The following HSPA12B variants were observed in gnomAD, a reference collection of about 807,000 sequenced individuals.
The protein encoded by HSPA12B is heat shock 70 kDa protein 12B.
Under a neutral mutation model 69.3 loss-of-function variants are expected in HSPA12B, and 54 were observed. That is an observed-to-expected ratio of 0.78 (90% CI 0.63 to 0.98). The LOEUF is 0.98. Ranked by LOEUF, HSPA12B falls within the 50% of genes least tolerant of loss-of-function variation. The pLI, the probability that HSPA12B is intolerant of heterozygous loss-of-function variation, is 0.00. For missense variants in HSPA12B, 929 were observed against 999.8 expected (o/e 0.93, Z 0.96); for synonymous variants, 441 against 436.5 (o/e 1.01, Z -0.13).
At chr20:3,742,658 A>G (rs955967532) in intron 4 of HSPA12B, among the ~76,000 whole-genome samples, 2 of 151,954 alleles carry the variant, frequency 1.3e-5, no homozygotes, top group African/African-American at 4.8e-5. Context: ...TTTTTGAGAT[A>G]TAACAAACAT....
chr20:3,752,163 C>T lies in HSPA12B; in HGVS notation c.2058C>T (p.Asn686=). 6.9e-7 allele frequency: 1 copy of T among 1,454,008 alleles called. No individual in the cohort carries two copies. The highest frequency in any genetic ancestry group is 9.0e-7 in the Non-Finnish European group (1 of 1,110,676). 90.1% of individuals were successfully genotyped at this position (1,454,008 alleles called of 1,614,324 possible). ...SVRASIDFLS[N] ...GCGCGTCCATCGACTTTCTTTCCAA[C>T]TGAGGGCGCGCCGGCGCGGTGCCAG... Residue 686 remains asparagine, a synonymous_variant, in exon 13 of 13, where the codon AAC becomes AAT. Coordinates refer to ENST00000254963, the MANE Select transcript of HSPA12B (RefSeq NM_052970.5).
rs1195506431 is a variant in HSPA12B at position 3,745,567 on chromosome 20, C to T, written c.528C>T (p.Ala176=). The change falls in exon 6 of 13, where the codon GCC becomes GCT. Residue 176 remains alanine, a synonymous_variant. Coordinates refer to ENST00000254963, the MANE Select transcript of HSPA12B (RefSeq NM_052970.5). The surrounding 1 kb of genome is among the most constrained non-coding windows in gnomAD (Gnocchi z 5.6). ...CCGCCCTGGAGGTGTTCGCCCATGC[C>T]CTGCGCTTCTTCAGGGAGCACGCCC... ...TMPALEVFAH[A]LRFFREHALQ... 4 of 1,614,042 alleles carry T rather than the reference C, an allele frequency of 2.5e-6. No individual in the cohort carries two copies. The South Asian group carries it at 4.4e-5, about 18-fold the overall frequency.
chr20:3,747,594 C>T (rs1285422030), intron 7 of HSPA12B, among the ~76,000 whole-genome samples: 1 of 152,224 alleles, frequency 6.6e-6, no homozygotes, highest in Admixed American at 6.5e-5. Context: ...GGATCCCCTA[C>T]CCTGAAGGAA....
rs1279697578 is a variant in HSPA12B at position 3,752,817 on chromosome 20, A to G, written c.*651A>G. On this transcript the variant is annotated 3_prime_UTR_variant, in exon 13 of 13. Coordinates refer to ENST00000254963, the MANE Select transcript of HSPA12B (RefSeq NM_052970.5). ...AATTATGAGGGTAGCATTTCTTTCG[A>G]GACAAAACACCCGTCTGGGAAGGCC... 2 of 153,720 alleles carry G rather than the reference A, an allele frequency of 1.3e-5. No homozygotes were observed. The highest frequency in any genetic ancestry group is 1.9e-4 in the East Asian group (1 of 5,184). 9.5% of individuals were successfully genotyped at this position (153,720 alleles called of 1,614,324 possible).
In HSPA12B at chr20:3,740,697, G is replaced by C. The variant is rs1275249665; in HGVS notation, c.44-118G>C. Reference sequence around the variant, plus strand: ...CCCCGCAGTCCTCCTCCCCAGCAGAGAGCCCTTTGCCTTAGCCCAGCAAGG... The same window carrying C: ...CCCCGCAGTCCTCCTCCCCAGCAGACAGCCCTTTGCCTTAGCCCAGCAAGG... On this transcript the variant is annotated intron_variant, in intron 2 of 12. Transcript: ENST00000254963. This position sits in a 1 kb window ranked among gnomAD's most constrained non-coding sequence, Gnocchi z 4.9. The C allele has an allele frequency of 1.6e-5, 12 of 763,568 alleles. No individual in the cohort carries two copies. Among genetic ancestry groups the C allele is most frequent in the Non-Finnish European group, 2.5e-5 (11 of 442,928 alleles). 47.3% of individuals were successfully genotyped at this position (763,568 alleles called of 1,614,324 possible).
chr20:3,742,800 C>A (rs920773598), intron 4 of HSPA12B, among the ~76,000 whole-genome samples: 12 of 151,508 alleles, frequency 7.9e-5, no homozygotes, highest in Non-Finnish European at 1.3e-4. Context: ...CGGGTTCAAG[C>A]GATTCTCCTG....
chr20:3,734,707 G>A (rs2088081676), intron 1 of HSPA12B, among the ~76,000 whole-genome samples: 2 of 150,858 alleles, frequency 1.3e-5, no homozygotes, highest in African/African-American at 4.9e-5. Context: ...ACCTCTCGGG[G>A]AATCCGTGGG....
rs1011315079 is a variant in HSPA12B, at chr20:3,744,904, A to C, written c.269A>C (p.Lys90Thr). The C allele has an allele frequency of 6.2e-7, 1 of 1,612,288 alleles. No homozygotes were observed. Among genetic ancestry groups the C allele is most frequent in the Non-Finnish European group, 8.5e-7 (1 of 1,179,876 alleles). Residue 90 changes from lysine to threonine, a missense_variant and splice_region_variant, in exon 5 of 13, where the codon AAA (lysine) becomes ACA (threonine). By Grantham distance (78) the Lys-to-Thr change is moderately conservative (BLOSUM62 -1). Around this residue, in one of 3 missense-constraint regions of HSPA12B, gnomAD observed 477 missense variants for 535.2 expected, o/e 0.89. Transcript: ENST00000254963. This position sits in a 1 kb window ranked among gnomAD's most constrained non-coding sequence, Gnocchi z 4.9. ...CTGACTGCCCTGTGCCTCCGCAGGA[A>C]ATGGGAGGGCGGAGACCCGGGCGTG... ...SDPEAIHMMR[K>T]WEGGDPGVAH...
rs745657847 is a variant in HSPA12B at position 3,750,133 on chromosome 20, G to A, written c.1207G>A (p.Ala403Thr). ...CAAGCGCACTGCTGGCCCACACCGTGCAGGGGCGCTCAACATCTCGCTGCC... is the reference window on the plus strand; with the variant it reads ...CAAGCGCACTGCTGGCCCACACCGTACAGGGGCGCTCAACATCTCGCTGCC... ...ARKRTAGPHR[A>T]GALNISLPFS... The change falls in exon 11 of 13, where the codon GCA (alanine) becomes ACA (threonine). Residue 403 changes from alanine to threonine, a missense_variant. Physicochemically the swap from Ala to Thr is moderately conservative, Grantham distance 58. Coordinates refer to ENST00000254963, the MANE Select transcript of HSPA12B (RefSeq NM_052970.5). 2 of 1,611,924 alleles carry A rather than the reference G, an allele frequency of 1.2e-6. No individual in the cohort carries two copies. Among genetic ancestry groups the A allele is most frequent in the Admixed American group, 1.7e-5 (1 of 59,902 alleles).
At chr20:3,738,890 A>AC (rs1358456719) in intron 2 of HSPA12B, among the ~76,000 whole-genome samples, 173 bp downstream of exon 2, 3 of 151,360 alleles carry the variant, frequency 2.0e-5, no homozygotes, top group Admixed American at 6.6e-5. Context: ...TGTTTACTGG[A>AC]CCCCCCTGTG....
At chr20:3,735,776 T>C (rs1458580675) in intron 1 of HSPA12B, among the ~76,000 whole-genome samples, 4 of 152,076 alleles carry the variant, frequency 2.6e-5, no homozygotes, top group Non-Finnish European at 5.9e-5. Context: ...CAGAGTCTTT[T>C]TTTTCTGGTG....
At position 3,744,320 on chromosome 20, in the gene HSPA12B, T is replaced by A. The variant is rs2088258558; in HGVS notation, c.267-582T>A. 6.6e-6 allele frequency among the ~76,000 whole-genome samples: 1 copy of A among 152,198 alleles called. No individual in the cohort carries two copies. Among genetic ancestry groups the A allele is most frequent in the African/African-American group, 2.4e-5 (1 of 41,454 alleles). Reference sequence around the variant, plus strand: ...ACAGCCCTCTAGGAGCTGCAGGGCATCCCAGATGTCTTGCTGATCAACACA... The same window carrying A: ...ACAGCCCTCTAGGAGCTGCAGGGCAACCCAGATGTCTTGCTGATCAACACA... On this transcript the variant is annotated intron_variant, in intron 4 of 12. Coordinates refer to ENST00000254963, the MANE Select transcript of HSPA12B (RefSeq NM_052970.5). This position sits in a 1 kb window ranked among gnomAD's most constrained non-coding sequence, Gnocchi z 4.9.
rs575065047 is a variant in HSPA12B at position 3,737,209 on chromosome 20, C to G, written c.-17-1449C>G. 2.0e-5 allele frequency among the ~76,000 whole-genome samples: 3 copies of G among 152,342 alleles called. No individual in the cohort carries two copies. Among genetic ancestry groups the G allele is most frequent in the African/African-American group, 7.2e-5 (3 of 41,572 alleles). ...CAATGCTGCTGATCCTCAGCCCACA[C>G]TTTGAGTAACAAAGCTGTTGATGGT... On this transcript the variant is annotated intron_variant, in intron 1 of 12. Transcript: ENST00000254963. The surrounding 1 kb of genome is among the most constrained non-coding windows in gnomAD (Gnocchi z 4.1).
Position 3,748,337 on chromosome 20 carries a change from C to G in HSPA12B, c.796C>G (p.Pro266Ala). Reference protein sequence around the residue: ...HQLLDLSGRAPGGGRLGERRS... With the variant: ...HQLLDLSGRAAGGGRLGERRS... ...GCTCCTGGACCTGAGTGGCCGGGCC[C>G]CAGGTGGTGGGCGCCTGGGTGAGCG... The change falls in exon 8 of 13, where the codon CCA (proline) becomes GCA (alanine). Residue 266 changes from proline (P) to alanine (A), a missense_variant. By Grantham distance (27) the Pro-to-Ala change is conservative. Transcript: ENST00000254963. The G allele has an allele frequency of 6.2e-7, 1 of 1,610,458 alleles. No homozygotes were observed. Among genetic ancestry groups the G allele is most frequent in the Non-Finnish European group, 8.5e-7 (1 of 1,178,472 alleles).
chr20:3,736,068 CCA>C (rs1448658293), intron 1 of HSPA12B, among the ~76,000 whole-genome samples: 1 of 152,200 alleles, frequency 6.6e-6, no homozygotes, highest in Non-Finnish European at 1.5e-5. Flanking sequence ...ATACTCCCAG[CCA>C]TGACTGATTT....
rs2088174353 is a variant in HSPA12B at position 3,740,156 on chromosome 20, G to T, written c.44-659G>T. ...TGGCTCAGGGTGTGTGTATGTGTGT[G>T]TGTGGGGGGTGGGAATCAGACTTCC... On this transcript the variant is annotated intron_variant, in intron 2 of 12. Transcript: ENST00000254963. The surrounding 1 kb of genome is among the most constrained non-coding windows in gnomAD (Gnocchi z 4.9). Among the ~76,000 whole-genome samples, 2 of 151,662 alleles carry T rather than the reference G, an allele frequency of 1.3e-5. No homozygotes were observed. Among genetic ancestry groups the T allele is most frequent in the African/African-American group, 4.9e-5 (2 of 40,946 alleles).
chr20:3,746,159 T>C, intron 7 of HSPA12B, 128 bp downstream of exon 7: 1 of 673,150 alleles, frequency 1.5e-6, no homozygotes, highest in Non-Finnish European at 2.6e-6. Flanking sequence ...CTGCTCCTGA[T>C]GGGAGTTTGT....
Position 3,740,841 on chromosome 20 carries a change from C to G in HSPA12B, c.70C>G (p.Pro24Ala). The change falls in exon 3 of 13, where the codon CCT (proline) becomes GCT (alanine). Residue 24 changes from proline to alanine, a missense_variant. Physicochemically the swap from Pro to Ala is conservative, Grantham distance 27. This residue lies in a region of HSPA12B where 477 missense variants were observed against 535.2 expected (regional missense o/e 0.89). Coordinates refer to ENST00000254963, the MANE Select transcript of HSPA12B (RefSeq NM_052970.5). The surrounding 1 kb of genome is among the most constrained non-coding windows in gnomAD (Gnocchi z 4.9). ...CTCCAGCCCGGAGCGGTCCCCAGTG[C>G]CTAGCCCACCCGGCTCCCCGAGGAC... ...IGSSPERSPV[P>A]SPPGSPRTQE... The G allele has an allele frequency of 1.2e-6, 2 of 1,613,840 alleles. No homozygotes were observed.
chr20:3,741,153 C>A (rs2088195101), intron 3 of HSPA12B, among the ~76,000 whole-genome samples: 1 of 152,110 alleles, frequency 6.6e-6, no homozygotes, highest in South Asian at 2.1e-4. Flanking sequence ...ACTCCCAACC[C>A]CCCCACACAG....
Sources: allele counts gnomAD v4.1 joint callset (sites outside exome capture counted in the v4.1 genomes callset), GRCh38; gene constraint gnomAD v4.1.1; regional missense constraint gnomAD v4.1.1; non-coding constraint Gnocchi (gnomAD v3.1); transcripts MANE v1.5; gene names NCBI Gene and HGNC (gene_info 2026-07-23, HGNC 2026-07-21).